The following HHLA2 variants were observed in gnomAD, a reference collection of about 807,000 sequenced individuals.
HHLA2 encodes the protein HHLA2 member of B7 family, also known as HERV-H LTR-associating protein 2.
Under a neutral mutation model 45.9 loss-of-function variants are expected in HHLA2, and 48 were observed. The observed-to-expected ratio is 1.05, with a 90% CI of 0.83 to 1.33. HHLA2 has a LOEUF of 1.33. Among genes scored for constraint, HHLA2 ranks in the 40% most tolerant of loss-of-function variants. The pLI, the probability that HHLA2 is intolerant of heterozygous loss-of-function variation, is 0.00. For missense variants in HHLA2, 462 were observed against 494.3 expected (o/e 0.93, Z 0.62); for synonymous variants, 161 against 173.9 (o/e 0.93, Z 0.59).
intron 1 of HHLA2, among the ~76,000 whole-genome samples, chr3:108,303,176 C>T (rs1446210476): frequency 6.6e-6 from 1 of 152,174 alleles, no homozygotes; most frequent in Non-Finnish European, 1.5e-5. Context: ...AGTTTTCTTA[C>T]ATTGTATTTA....
At chr3:108,315,059 C>T (rs1309052924) in intron 2 of HHLA2, among the ~76,000 whole-genome samples, 2 of 152,154 alleles carry the variant, frequency 1.3e-5, no homozygotes, top group African/African-American at 4.8e-5. Context: ...CCCTTATTTT[C>T]CCAGATGGGT....
In HHLA2 at chr3:108,335,364, A is replaced by G. The variant is rs28401391; in HGVS notation, c.-27+7017A>G. Among the ~76,000 whole-genome samples the G allele has an allele frequency of 5.8e-3, 879 of 152,276 alleles. 5 individuals carry two copies. Among genetic ancestry groups the G allele is most frequent in the African/African-American group, 0.02 (827 of 41,556 alleles). On this transcript the variant is annotated intron_variant, in intron 3 of 10. Coordinates refer to ENST00000619531, the Ensembl canonical transcript of HHLA2. ...TCATGGGGAGTCCCTTTAACAAGCT[A>G]TTGAGTACAAAGGATGACTTTTCAG...
rs556077546 is a variant in HHLA2 at position 108,354,588 on chromosome 3, A to G, written c.419-527A>G. On this transcript the variant is annotated intron_variant, in intron 5 of 10. Coordinates refer to ENST00000619531, the Ensembl canonical transcript of HHLA2. ...AGTATGCATTATAATATATAGAACA[A>G]TCTTACATATAGATATATATACACA... 1.3e-4 allele frequency among the ~76,000 whole-genome samples: 20 copies of G among 152,186 alleles called. No individual in the cohort carries two copies. In the South Asian group the frequency reaches 3.7e-3, roughly 28 times the overall value.
intron 8 of HHLA2, among the ~76,000 whole-genome samples, chr3:108,364,069 G>A (rs533341672): frequency 9.0e-4 from 136 of 151,774 alleles, no homozygotes; most frequent in African/African-American, 3.1e-3. Context: ...GTGGTTTGCT[G>A]CACCTATCAA....
At chr3:108,305,593 T>C (rs1482256218) in intron 1 of HHLA2, among the ~76,000 whole-genome samples, 5 of 152,128 alleles carry the variant, frequency 3.3e-5, no homozygotes, top group Non-Finnish European at 7.4e-5. Context: ...CCCTGCTGTA[T>C]AGAGTTCCAT....
intron 6 of HHLA2, among the ~76,000 whole-genome samples, chr3:108,357,284 G>C (rs918821555): frequency 1.3e-5 from 2 of 152,220 alleles, no homozygotes; most frequent in Admixed American, 6.5e-5. Context: ...GCTGGGTCTG[G>C]AGGGGCAAGC....
chr3:108,359,277 C>T (rs2081949839), intron 7 of HHLA2, among the ~76,000 whole-genome samples: 1 of 151,974 alleles, frequency 6.6e-6, no homozygotes, highest in Admixed American at 6.6e-5. Flanking sequence ...AGTGAAACAT[C>T]AGGACCATTC....
chr3:108,332,381 A>T (rs2951511), intron 3 of HHLA2, among the ~76,000 whole-genome samples: 2,271 of 152,292 alleles, frequency 0.015, 42 homozygotes, highest in African/African-American at 0.051. Flanking sequence ...AACAGTAAAA[A>T]TCCAGCATTA....
chr3:108,377,968 G>C (rs1292208831), exon 11 of HHLA2: 1 of 152,192 alleles, frequency 6.6e-6, no homozygotes, highest in African/African-American at 2.4e-5. Context: ...AGTAAAAATA[G>C]CCTTAACTGA....
At chr3:108,374,007 GC>G (rs1471304753) in intron 8 of HHLA2, among the ~76,000 whole-genome samples, 9 of 150,786 alleles carry the variant, frequency 6.0e-5, no homozygotes, top group Middle Eastern at 3.2e-3. Context: ...CCAAAAAAGA[GC>G]CCGCATTGCC....
At chr3:108,298,543 C>T (rs995218488) in intron 1 of HHLA2, among the ~76,000 whole-genome samples, 1 of 152,186 alleles carries the variant, frequency 6.6e-6, no homozygotes, top group Non-Finnish European at 1.5e-5. Context: ...ATTTCTCTTT[C>T]TTCAGCATAG....
At chr3:108,353,111 A>C (rs2081809567) in intron 4 of HHLA2, among the ~76,000 whole-genome samples, 1 of 152,234 alleles carries the variant, frequency 6.6e-6, no homozygotes, top group Admixed American at 6.5e-5. Context: ...GTCTTTTAAC[A>C]TACATGATTT....
intron 3 of HHLA2, among the ~76,000 whole-genome samples, chr3:108,339,301 T>C (rs772334016): frequency 7.2e-5 from 11 of 152,182 alleles, no homozygotes; most frequent in Non-Finnish European, 1.2e-4. Context: ...AGCTTCTCCA[T>C]AGTTTGTTCT....
At chr3:108,307,599 A>G (rs1266609365) in intron 1 of HHLA2, among the ~76,000 whole-genome samples, 2 of 151,958 alleles carry the variant, frequency 1.3e-5, no homozygotes, top group Non-Finnish European at 2.9e-5. Context: ...ACGCCACTGC[A>G]CTTCAGTCTG....
At chr3:108,341,752 T>A (rs1483668498) in intron 3 of HHLA2, among the ~76,000 whole-genome samples, 1 of 152,196 alleles carries the variant, frequency 6.6e-6, no homozygotes, top group Non-Finnish European at 1.5e-5. Flanking sequence ...ATTACTTAAT[T>A]AACAGGAAGA....
At chr3:108,305,314 A>C (rs1333608593) in intron 1 of HHLA2, among the ~76,000 whole-genome samples, 1 of 152,192 alleles carries the variant, frequency 6.6e-6, no homozygotes, top group African/African-American at 2.4e-5. Context: ...ACAGATTACC[A>C]TGCTGGCTAC....
intron 3 of HHLA2, among the ~76,000 whole-genome samples, chr3:108,342,397 G>T (rs1182640487): frequency 6.6e-6 from 1 of 151,654 alleles, no homozygotes; most frequent in Non-Finnish European, 1.5e-5. Flanking sequence ...CTGAGTAGCT[G>T]GGATTACAGG....
exon 4 of HHLA2, chr3:108,351,813 C>T (rs2081783143): frequency 6.2e-7 from 1 of 1,612,246 alleles, no homozygotes; most frequent in Non-Finnish European, 8.5e-7. Flanking sequence ...CTGCACAAGA[C>T]ATGAAGGCAC....
chr3:108,355,148 G>A (rs973991506), exon 6 of HHLA2: 2 of 1,613,194 alleles, frequency 1.2e-6, no homozygotes, highest in Non-Finnish European at 1.7e-6. Flanking sequence ...TATGAAAAGA[G>A]GAACACAAAC....
Sources: allele counts gnomAD v4.1 joint callset (sites outside exome capture counted in the v4.1 genomes callset), GRCh38; gene constraint gnomAD v4.1.1; transcripts MANE v1.5; gene names NCBI Gene and HGNC (gene_info 2026-07-23, HGNC 2026-07-21).